IRF6: variants seen among roughly 807,000 people sequenced by gnomAD.
IRF6 encodes Van der Woude syndrome.
Under a neutral mutation model 51.4 loss-of-function variants are expected in IRF6, and 6 were observed. The observed-to-expected ratio is 0.12, with a 90% CI of 0.06 to 0.23. The LOEUF (loss-of-function observed/expected upper bound fraction) is 0.23, where lower values mean the gene tolerates loss of function less well. Ranked by LOEUF, IRF6 falls within the 10% of genes least tolerant of loss-of-function variation. The pLI is 1.00. For missense variants in IRF6, 348 were observed against 585.2 expected (o/e 0.59, Z 4.18); for synonymous variants, 178 against 215.7 (o/e 0.83, Z 1.53).
Position 209,801,399 on chromosome 1 carries a change from G to T in IRF6, c.15C>A (p.Pro5=). The change falls in exon 3 of 9, where the codon CCC becomes CCA. Residue 5 remains proline, a synonymous_variant. Transcript: ENST00000367021. The stretch of plus-strand genomic sequence containing the variant: ...GCCAGGGCTTTAGCCGGACTCTGCG[G>T]GGGTGGAGGGCCATGATCTGGGGGG... MALH[P]RRVRLKPWLV... 1.2e-6 allele frequency: 2 copies of T among 1,603,278 alleles called. No homozygotes were observed. Among genetic ancestry groups the T allele is most frequent in the Non-Finnish European group, 8.5e-7 (1 of 1,175,410 alleles).
At chr1:209,795,202 G>T in intron 5 of IRF6, 88 bp downstream of exon 5, 1 of 1,445,088 alleles carries the variant, frequency 6.9e-7, no homozygotes, top group Non-Finnish European at 9.7e-7. Flanking sequence ...TGCTTTCAGG[G>T]CAGTGGTGGC....
At chr1:209,803,363 A>G (rs2077955343) in intron 1 of IRF6, among the ~76,000 whole-genome samples, 1 of 152,132 alleles carries the variant, frequency 6.6e-6, no homozygotes, top group Non-Finnish European at 1.5e-5. Context: ...TTAAAATCCA[A>G]CTCTTGACTG....
intron 6 of IRF6, chr1:209,791,155 T>A: frequency 1.5e-6 from 1 of 646,138 alleles, no homozygotes; most frequent in Non-Finnish European, 1.9e-6. Context: ...TTGCATCAAG[T>A]AAAGTGGTCC....
In IRF6 at chr1:209,790,366, C is replaced by T; in HGVS notation, c.1060+129G>A. ...AACCAAAGTTCTGTTCTCCCTTGAC[C>T]TCCTCCAGACTAAATTTTTTAAGAT... On this transcript the variant is annotated intron_variant, in intron 7 of 8. Coordinates refer to ENST00000367021, the MANE Select transcript of IRF6 (RefSeq NM_006147.4). This position sits in a 1 kb window ranked among gnomAD's most constrained non-coding sequence, Gnocchi z 4.8. The T allele has an allele frequency of 1.9e-6, 2 of 1,079,224 alleles. No individual in the cohort carries two copies. Among genetic ancestry groups the T allele is most frequent in the Admixed American group, 1.9e-5 (1 of 52,022 alleles). The allele number at this position is 1,079,224 out of a possible 1,614,324, so 66.9% of individuals were successfully genotyped here. A position where few individuals can be genotyped will look rare whatever the true frequency, so the allele number is the denominator to read the frequency against.
At chr1:209,793,136 C>T (rs1376681186) in intron 5 of IRF6, 1 of 152,214 alleles carries the variant, frequency 6.6e-6, no homozygotes, top group African/African-American at 2.4e-5. Flanking sequence ...AGCCTCACCT[C>T]TTAGGCATCT....
chr1:209,796,368 T>G lies in IRF6; in HGVS notation c.359A>C (p.Gln120Pro). 1 of 1,614,046 alleles carries G rather than the reference T, an allele frequency of 6.2e-7. No individual in the cohort carries two copies. Among genetic ancestry groups the G allele is most frequent in the Non-Finnish European group, 8.5e-7 (1 of 1,180,016 alleles). Residue 120 changes from glutamine (Q) to proline (P), a missense_variant, in exon 4 of 9, where the codon CAG becomes CCG. Physicochemically the swap from Gln to Pro is moderately conservative, Grantham distance 76. This residue lies in a region of IRF6 where 124 missense variants were observed against 141.6 expected (regional missense o/e 0.88). Coordinates refer to ENST00000367021, the MANE Select transcript of IRF6 (RefSeq NM_006147.4). This position sits in a 1 kb window ranked among gnomAD's most constrained non-coding sequence, Gnocchi z 4.5. ...IYQVCDIPQPQGSIINPGSTG... is the reference protein window; with the variant it reads ...IYQVCDIPQPPGSIINPGSTG... ...CTCACCTGGGTTAATGATCGAGCCC[T>G]GGGGCTGAGGGATGTCACACACTTG... is the stretch of plus-strand genomic sequence containing the variant.
At chr1:209,801,126 C>T (rs2077938396) in intron 3 of IRF6, 114 bp downstream of exon 3, 6 of 934,290 alleles carry the variant, frequency 6.4e-6, no homozygotes, top group South Asian at 2.9e-5. Flanking sequence ...TGGGCACCCC[C>T]ATCATAAGCA....
rs2077964632 is a variant in IRF6 at position 209,804,906 on chromosome 1, T to TC, written c.-76+1040dup. Among the ~76,000 whole-genome samples, 6 of 152,202 alleles carry TC rather than the reference T, an allele frequency of 3.9e-5. No individual in the cohort carries two copies. In the South Asian group the frequency reaches 1.0e-3, roughly 26 times the overall value. On this transcript the variant is annotated intron_variant, in intron 1 of 8. Transcript: ENST00000367021. ...GACAATTCTTAGCAGTCCCAGCTCT[T>TC]CCCTTTCTCCTGAAAGAAATGAAAT...
At position 209,787,142 on chromosome 1, in the gene IRF6, C is replaced by T. The variant is rs1298898755; in HGVS notation, c.*1278G>A. The T allele has an allele frequency of 2.0e-5, 3 of 152,180 alleles. No homozygotes were observed. Among genetic ancestry groups the T allele is most frequent in the African/African-American group, 7.2e-5 (3 of 41,418 alleles). 9.4% of individuals were successfully genotyped at this position (152,180 alleles called of 1,614,324 possible). A position where few individuals can be genotyped will look rare whatever the true frequency, so the allele number is the denominator to read the frequency against. ...CTGGGGCAGGACGATTGCTTGAGCC[C>T]AGGAGCTTAAAGCTGCAGTAAGTGG... On this transcript the variant is annotated 3_prime_UTR_variant, in exon 9 of 9. Transcript: ENST00000367021.
chr1:209,801,667 T>C (rs1413359499), intron 2 of IRF6, among the ~76,000 whole-genome samples: 2 of 152,242 alleles, frequency 1.3e-5, no homozygotes, highest in Non-Finnish European at 2.9e-5. Flanking sequence ...AGATCACATT[T>C]CTTCTATTTA....
intron 3 of IRF6, among the ~76,000 whole-genome samples, chr1:209,798,664 A>C (rs907800209): frequency 4.3e-4 from 65 of 152,096 alleles, no homozygotes; most frequent in African/African-American, 1.6e-3. Flanking sequence ...TAATCCCAGC[A>C]CTTTGGGAGG....
chr1:209,800,723 G>A (rs1031359097), intron 3 of IRF6, among the ~76,000 whole-genome samples: 1 of 152,142 alleles, frequency 6.6e-6, no homozygotes, highest in South Asian at 2.1e-4. Context: ...CATGCCACTT[G>A]CACTCCAGCC....
At chr1:209,805,103 T>C (rs186734576) in intron 1 of IRF6, among the ~76,000 whole-genome samples, 3 of 152,096 alleles carry the variant, frequency 2.0e-5, no homozygotes, top group Admixed American at 1.3e-4. Flanking sequence ...CATACACACG[T>C]CTCATCCTAA....
At chr1:209,791,094 A>G in intron 6 of IRF6, 2 of 971,048 alleles carry the variant, frequency 2.1e-6, no homozygotes, top group Non-Finnish European at 2.4e-6. Context: ...CAAACAGTTC[A>G]AAGTCCATCT....
At position 209,792,436 on chromosome 1, in the gene IRF6, A is replaced by G. The variant is rs781016955; in HGVS notation, c.509-9T>C. 48 of 1,613,454 alleles carry G rather than the reference A, an allele frequency of 3.0e-5. No individual in the cohort carries two copies. Among genetic ancestry groups the G allele is most frequent in the Non-Finnish European group, 4.0e-5 (47 of 1,179,984 alleles). ...TGGCGCCATGGGAGAACCTAAAACA[A>G]AAGCATATGGTGAGCAGACAGGGGT... is the stretch of plus-strand genomic sequence containing the variant. On this transcript the variant is annotated splice_polypyrimidine_tract_variant and intron_variant, in intron 5 of 8. Coordinates refer to ENST00000367021, the MANE Select transcript of IRF6 (RefSeq NM_006147.4).
intron 3 of IRF6, among the ~76,000 whole-genome samples, chr1:209,800,448 G>A (rs1338342120): frequency 3.3e-5 from 5 of 152,142 alleles, no homozygotes; most frequent in African/African-American, 4.8e-5. Context: ...TAGATGGGGC[G>A]AAATATTTTA....
Position 209,802,000 on chromosome 1 carries a change from G to A in IRF6, c.-32C>T, listed in dbSNP as rs2077946940. On this transcript the variant is annotated 5_prime_UTR_variant, in exon 2 of 9. Transcript: ENST00000367021. ...GAAGAGCAGGCAGTGTGTCCACAGGGATCTGAAGAGTCGGCTTGTCTTTCC... is the reference window on the plus strand; with the variant it reads ...GAAGAGCAGGCAGTGTGTCCACAGGAATCTGAAGAGTCGGCTTGTCTTTCC... 1 of 152,240 alleles carries A rather than the reference G, an allele frequency of 6.6e-6. No homozygotes were observed. The allele number at this position is 152,240 out of a possible 1,614,324, so 9.4% of individuals were successfully genotyped here. A position where few individuals can be genotyped will look rare whatever the true frequency, so the allele number is the denominator to read the frequency against.
chr1:209,805,569 G>A (rs1348822930), intron 1 of IRF6, among the ~76,000 whole-genome samples: 1 of 152,218 alleles, frequency 6.6e-6, no homozygotes, highest in Non-Finnish European at 1.5e-5. Flanking sequence ...AAGGACCTGC[G>A]GACCTGGGAA....
At chr1:209,797,370 C>CAAAAAAAAAAAAAA (rs11418099) in intron 3 of IRF6, among the ~76,000 whole-genome samples, 1 of 48,590 alleles carries the variant, frequency 2.1e-5, no homozygotes, top group Admixed American at 3.4e-4. Context: ...AACTTCATCT[C>CAAAAAAAAAAAAAA]AAAAAAAAAA....
Sources: gnomAD v4.1 joint callset for allele counts (sites outside exome capture counted in the v4.1 genomes callset) on GRCh38, gnomAD v4.1.1 for gene constraint, gnomAD v4.1.1 regional missense constraint, Gnocchi (gnomAD v3.1) non-coding constraint, MANE v1.5 for transcripts, NCBI Gene and HGNC (gene_info 2026-07-23, HGNC 2026-07-21) for gene names.